The following KIF17 variants were observed in gnomAD, a reference collection of about 807,000 sequenced individuals.
KIF17 encodes kinesin family member 17.
KIF17 carries 80 observed loss-of-function variants against 96.8 expected under a neutral mutation model. The observed-to-expected ratio is 0.83, with a 90% CI of 0.69 to 1.00. KIF17 has a LOEUF of 1.00. Among genes scored for constraint, KIF17 ranks in the 50% least tolerant of loss-of-function variants. KIF17 has a pLI of 0.00. For missense variants in KIF17, 1,280 were observed against 1,372.9 expected, an observed-to-expected ratio of 0.93 and a Z score of 1.07; for synonymous variants, 567 against 587.5, an observed-to-expected ratio of 0.97 and a Z score of 0.51.
chr1:20,679,177 C>T (rs557231467), intron 11 of KIF17, among the ~76,000 whole-genome samples: 21 of 152,036 alleles, frequency 1.4e-4, no homozygotes, highest in African/African-American at 4.6e-4. Flanking sequence ...CAGTGGCATG[C>T]GCCTGCAGTC....
chr1:20,677,619 C>T (rs555674828), intron 11 of KIF17, among the ~76,000 whole-genome samples: 1 of 152,106 alleles, frequency 6.6e-6, no homozygotes, highest in East Asian at 1.9e-4. Flanking sequence ...TTTGAGAGGC[C>T]GAGGTGGGTG....
In KIF17 at chr1:20,667,038, C is replaced by T. The variant is rs117313029; in HGVS notation, c.2791-707G>A. Among the ~76,000 whole-genome samples, 453 of 152,286 alleles carry T rather than the reference C, an allele frequency of 3.0e-3. 17 individuals carry two copies. In the South Asian group the frequency reaches 0.045, roughly 15 times the overall value. ...CCAGGCAGAGCCAATCAGAATCTCTCCCCAAGCTCTAGTTTCAGGATGCTT... is the reference window on the plus strand; with the variant it reads ...CCAGGCAGAGCCAATCAGAATCTCTTCCCAAGCTCTAGTTTCAGGATGCTT... On this transcript the variant is annotated intron_variant, in intron 13 of 14. Transcript: ENST00000400463.
At chr1:20,697,202 G>A (rs977841885) in intron 6 of KIF17, among the ~76,000 whole-genome samples, 3 of 152,244 alleles carry the variant, frequency 2.0e-5, no homozygotes, top group Admixed American at 6.5e-5. Context: ...GACCCCAGTG[G>A]GAGGTGGTAG....
At chr1:20,695,700 C>G (rs2054126004) in intron 6 of KIF17, among the ~76,000 whole-genome samples, 1 of 152,190 alleles carries the variant, frequency 6.6e-6, no homozygotes, top group Non-Finnish European at 1.5e-5. Context: ...TCCACCTCCT[C>G]TGAACCCACG....
chr1:20,685,402 C>G lies in KIF17; in HGVS notation c.2020-382G>C. 2.5e-6 allele frequency: 1 copy of G among 404,816 alleles called. No individual in the cohort carries two copies. Among genetic ancestry groups the G allele is most frequent in the Non-Finnish European group, 4.8e-6 (1 of 209,600 alleles). The allele number at this position is 404,816 out of a possible 1,614,324, so 25.1% of individuals were successfully genotyped here. A position where few individuals can be genotyped will look rare whatever the true frequency, so the allele number is the denominator to read the frequency against. Reference sequence around the variant, plus strand: ...CCGGCTCCCTGCCTCCACGGCCTCCCCCGCCACCGTGGCCTCCTTTTCCAT... The same window carrying G: ...CCGGCTCCCTGCCTCCACGGCCTCCGCCGCCACCGTGGCCTCCTTTTCCAT... On this transcript the variant is annotated intron_variant, in intron 9 of 14. Coordinates refer to ENST00000400463, the MANE Select transcript of KIF17 (RefSeq NM_001122819.3). The surrounding 1 kb of genome is among the most constrained non-coding windows in gnomAD (Gnocchi z 4.1).
intron 13 of KIF17, 139 bp from the exon 14 acceptor site, chr1:20,666,470 C>T: frequency 3.8e-6 from 3 of 782,244 alleles, no homozygotes; most frequent in Non-Finnish European, 6.9e-6. Context: ...GCAGGCACTG[C>T]CCACTCTGGT....
chr1:20,702,567 C>G lies in KIF17; in HGVS notation c.1123+1880G>C, dbSNP rs182016624. On this transcript the variant is annotated intron_variant, in intron 5 of 14. Transcript: ENST00000400463. ...CTTGCAATGGTGTTCAAGGCCCTCT[C>G]CACCCCAGTCCTGCCTGACCACCTC... Among the ~76,000 whole-genome samples the G allele has an allele frequency of 2.1e-4, 32 of 152,272 alleles. No homozygotes were observed. The East Asian group carries it at 5.6e-3, about 27-fold the overall frequency.
At chr1:20,716,065 G>A (rs1429930830) in intron 1 of KIF17, among the ~76,000 whole-genome samples, 7 of 152,122 alleles carry the variant, frequency 4.6e-5, no homozygotes, top group Admixed American at 4.6e-4. Flanking sequence ...TTGGCAACAC[G>A]GTGAAACCCT....
Position 20,712,616 on chromosome 1 carries a change from A to ATAGATAATATTATCTATATTAT in KIF17, c.480+837_480+838insATAATATAGATAATATTATCTA, listed in dbSNP as rs2054466959. ...TATCTATATATATCTATATATATAT[A>ATAGATAATATTATCTATATTAT]ATATAGATAATATCTATATATATAA... is the stretch of plus-strand genomic sequence containing the variant. On this transcript the variant is annotated intron_variant, in intron 3 of 14. Transcript: ENST00000400463. Among the ~76,000 whole-genome samples, 26 of 27,680 alleles carry ATAGATAATATTATCTATATTAT rather than the reference A, an allele frequency of 9.4e-4. 8 individuals are homozygous for ATAGATAATATTATCTATATTAT. The highest frequency in any genetic ancestry group is 1.9e-3 in the Non-Finnish European group (21 of 10,996). The allele number at this position is 27,680 out of a possible 152,430, so 18.2% of individuals were successfully genotyped here.
chr1:20,692,101 G>C (rs555848646), intron 6 of KIF17, among the ~76,000 whole-genome samples: 1 of 152,158 alleles, frequency 6.6e-6, no homozygotes, highest in African/African-American at 2.4e-5. Context: ...TGAAATCTAA[G>C]CTCCTCAACT....
intron 2 of KIF17, 79 bp from the exon 3 acceptor site, chr1:20,713,634 G>T: frequency 9.6e-7 from 1 of 1,042,824 alleles, no homozygotes; most frequent in Non-Finnish European, 1.5e-6. Context: ...TGGGGCCTGG[G>T]CCCTCTGCCA....
chr1:20,664,986 C>G (rs615190), intron 14 of KIF17, among the ~76,000 whole-genome samples: 1 of 151,926 alleles, frequency 6.6e-6, no homozygotes, highest in Non-Finnish European at 1.5e-5. Flanking sequence ...GGCTGGGGAG[C>G]TGGGGTTTTA....
At chr1:20,705,300 C>T (rs1342613511) in intron 4 of KIF17, among the ~76,000 whole-genome samples, 1 of 152,170 alleles carries the variant, frequency 6.6e-6, no homozygotes, top group Non-Finnish European at 1.5e-5. Flanking sequence ...TGATGTCATT[C>T]AAAACAGAAA....
chr1:20,705,893 CTTTTTTTTTTTTT>C (rs747719983), intron 4 of KIF17, among the ~76,000 whole-genome samples: 592 of 53,580 alleles, frequency 0.011, 14 homozygotes, highest in African/African-American at 0.041. Flanking sequence ...TAGGATGTCT[CTTTTTTTTTTTTT>C]TTTTTTTTTT....
At position 20,692,597 on chromosome 1, in the gene KIF17, G is replaced by A. The variant is rs187986553; in HGVS notation, c.1234-2262C>T. 21 of 152,046 alleles carry A rather than the reference G, an allele frequency of 1.4e-4. No individual in the cohort carries two copies. In the East Asian group the frequency reaches 3.7e-3, roughly 27 times the overall value. 9.4% of individuals were successfully genotyped at this position (152,046 alleles called of 1,614,324 possible). A position where few individuals can be genotyped will look rare whatever the true frequency, so the allele number is the denominator to read the frequency against. ...ATTAGAGGCGTGAGCCACTGTGCCC[G>A]GCTTCTATTTCTTCTTAACACACTT... On this transcript the variant is annotated intron_variant, in intron 6 of 14. Coordinates refer to ENST00000400463, the MANE Select transcript of KIF17 (RefSeq NM_001122819.3).
chr1:20,667,756 C>A (rs2053552829), intron 13 of KIF17, among the ~76,000 whole-genome samples: 7 of 152,204 alleles, frequency 4.6e-5, no homozygotes, highest in Admixed American at 4.6e-4. Flanking sequence ...GCCTGTAATC[C>A]CAGCACTTTG....
downstream of KIF17, among the ~76,000 whole-genome samples, chr1:20,662,450 A>G (rs1197840469): frequency 6.6e-6 from 1 of 152,210 alleles, no homozygotes; most frequent in Non-Finnish European, 1.5e-5. Context: ...AGAATGGAGC[A>G]AAAATCAAAA....
At chr1:20,691,458 CTT>C (rs888704467) in intron 6 of KIF17, among the ~76,000 whole-genome samples, 3 of 139,204 alleles carry the variant, frequency 2.2e-5, no homozygotes, top group Non-Finnish European at 1.6e-5. Context: ...CTCAGTGCTT[CTT>C]TTTTTTTTTT....
chr1:20,703,847 C>A (rs549429748), intron 5 of KIF17, among the ~76,000 whole-genome samples: 2 of 151,818 alleles, frequency 1.3e-5, no homozygotes, highest in African/African-American at 4.8e-5. Context: ...AGGAGAATGG[C>A]GTGAACCCGG....
Sources: gnomAD v4.1 joint callset for allele counts (sites outside exome capture counted in the v4.1 genomes callset) on GRCh38, gnomAD v4.1.1 for gene constraint, Gnocchi (gnomAD v3.1) non-coding constraint, MANE v1.5 for transcripts, NCBI Gene and HGNC (gene_info 2026-07-23, HGNC 2026-07-21) for gene names.